FTO: variants seen among roughly 807,000 people sequenced by gnomAD.
FTO encodes alpha-ketoglutarate-dependent dioxygenase FTO.
A neutral mutation model predicts 63.9 loss-of-function variants in FTO; 47 were observed. The observed-to-expected ratio is 0.74, with a 90% CI of 0.58 to 0.94. The LOEUF is 0.94. Ranked by LOEUF, FTO falls within the 40% of genes least tolerant of loss-of-function variation. FTO has a pLI of 0.00. For synonymous variants in FTO, 207 were observed against 224.4 expected (o/e 0.92, Z 0.69); for missense variants, 562 against 618.1 (o/e 0.91, Z 0.96).
At chr16:53,990,823 A>G (rs1371156589) in intron 8 of FTO, among the ~76,000 whole-genome samples, 3 of 151,864 alleles carry the variant, frequency 2.0e-5, no homozygotes, top group Admixed American at 6.6e-5. Context: ...GCCCGCCACC[A>G]CGCCTGGCTA....
At chr16:54,051,688 C>T (rs1399073060) in intron 8 of FTO, among the ~76,000 whole-genome samples, 1 of 152,214 alleles carries the variant, frequency 6.6e-6, no homozygotes, top group African/African-American at 2.4e-5. Context: ...ATCTCAAAAG[C>T]AGTCCTCATA....
intron 2 of FTO, among the ~76,000 whole-genome samples, chr16:53,825,606 A>G (rs3848299): frequency 6.6e-6 from 1 of 151,954 alleles, no homozygotes; most frequent in Non-Finnish European, 1.5e-5. Context: ...GTATCAGGAC[A>G]CACATTATTA....
chr16:53,812,807 T>G (rs1170330228), intron 2 of FTO, among the ~76,000 whole-genome samples: 2 of 152,180 alleles, frequency 1.3e-5, no homozygotes, highest in Non-Finnish European at 1.5e-5. Flanking sequence ...TTTTGAACTT[T>G]CCCAGTTTTC....
chr16:53,717,489 T>C (rs2075922201), intron 1 of FTO, among the ~76,000 whole-genome samples: 1 of 152,138 alleles, frequency 6.6e-6, no homozygotes, highest in African/African-American at 2.4e-5. Flanking sequence ...CTTTTCTTAC[T>C]GATTTGGAAA....
At chr16:53,741,462 A>G (rs1053354319) in intron 1 of FTO, among the ~76,000 whole-genome samples, 5 of 152,158 alleles carry the variant, frequency 3.3e-5, no homozygotes, top group African/African-American at 1.2e-4. Flanking sequence ...TTTTATTTGT[A>G]TTGTACAAAC....
At chr16:53,764,967 G>A (rs1361285588) in intron 1 of FTO, among the ~76,000 whole-genome samples, 23 of 151,968 alleles carry the variant, frequency 1.5e-4, no homozygotes, top group African/African-American at 5.6e-4. Context: ...TGATCTGCCC[G>A]CTTCGGCCTC....
intron 3 of FTO, among the ~76,000 whole-genome samples, chr16:53,829,080 C>T (rs989553754): frequency 2.0e-5 from 3 of 152,064 alleles, no homozygotes; most frequent in South Asian, 2.1e-4. Context: ...TTAGTAGAGA[C>T]GGGGTTTCAC....
intron 8 of FTO, among the ~76,000 whole-genome samples, chr16:54,025,262 G>C (rs538368219): frequency 2.2e-4 from 33 of 152,298 alleles, no homozygotes; most frequent in Admixed American, 1.2e-3. Context: ...AGAAATGGAG[G>C]CTGGACAGCT....
intron 8 of FTO, chr16:54,052,479 C>T (rs1481795379): frequency 1.3e-5 from 2 of 152,132 alleles, no homozygotes; most frequent in Non-Finnish European, 2.9e-5. Flanking sequence ...GCTGTAAGGG[C>T]CAGCACCCGG....
chr16:54,025,308 C>T (rs1365448917), intron 8 of FTO, among the ~76,000 whole-genome samples: 1 of 152,164 alleles, frequency 6.6e-6, no homozygotes, highest in Non-Finnish European at 1.5e-5. Flanking sequence ...TCTTAAAGAC[C>T]TTATTACTAC....
chr16:53,921,448 T>C (rs2082005172), intron 7 of FTO, among the ~76,000 whole-genome samples: 1 of 152,196 alleles, frequency 6.6e-6, no homozygotes, highest in Non-Finnish European at 1.5e-5. Context: ...ATTTCGTACT[T>C]GGTATAGTTA....
At chr16:54,006,840 G>A (rs2084218711) in intron 8 of FTO, among the ~76,000 whole-genome samples, 1 of 152,220 alleles carries the variant, frequency 6.6e-6, no homozygotes, top group Non-Finnish European at 1.5e-5. Context: ...TGGAGTATGT[G>A]TAATGCAAGC....
At chr16:54,066,001 C>CA (rs2144416754) in intron 8 of FTO, among the ~76,000 whole-genome samples, 1 of 152,328 alleles carries the variant, frequency 6.6e-6, no homozygotes, top group East Asian at 1.9e-4. Flanking sequence ...CTAACTTATA[C>CA]AGCAGAGCTG....
At chr16:53,962,595 T>C (rs1393110523) in intron 8 of FTO, among the ~76,000 whole-genome samples, 1 of 152,214 alleles carries the variant, frequency 6.6e-6, no homozygotes, top group Non-Finnish European at 1.5e-5. Flanking sequence ...CCACAGATAA[T>C]GATGCGTCCT....
At chr16:54,075,360 T>G (rs2085967884) in intron 8 of FTO, among the ~76,000 whole-genome samples, 2 of 152,204 alleles carry the variant, frequency 1.3e-5, no homozygotes, top group South Asian at 4.1e-4. Flanking sequence ...AATCTGACAG[T>G]GTCAATCCAG....
At chr16:54,099,267 A>G (rs2086582562) in intron 8 of FTO, among the ~76,000 whole-genome samples, 1 of 152,212 alleles carries the variant, frequency 6.6e-6, no homozygotes, top group African/African-American at 2.4e-5. Context: ...CTGAGTCACT[A>G]GCAGAATATA....
intron 4 of FTO, among the ~76,000 whole-genome samples, chr16:53,849,561 G>A (rs888662060): frequency 7.2e-5 from 11 of 152,226 alleles, no homozygotes; most frequent in Admixed American, 2.6e-4. Flanking sequence ...TTGGTTATCA[G>A]AGCCCTGTAG....
chr16:53,790,579 C>CAAAAAAAAAAAA (rs34860208), intron 1 of FTO, among the ~76,000 whole-genome samples: 19 of 55,114 alleles, frequency 3.4e-4, no homozygotes, highest in African/African-American at 5.3e-4. Context: ...CAAAATAAAG[C>CAAAAAAAAAAAA]AAAAAAAAAA....
chr16:53,817,968 T>C (rs1015525969), intron 2 of FTO, among the ~76,000 whole-genome samples: 2 of 152,196 alleles, frequency 1.3e-5, no homozygotes. Flanking sequence ...CATGACTGCA[T>C]ACTCATTGGA....
Sources: allele counts gnomAD v4.1 joint callset (sites outside exome capture counted in the v4.1 genomes callset), GRCh38; gene constraint gnomAD v4.1.1; transcripts MANE v1.5; gene names NCBI Gene and HGNC (gene_info 2026-07-23, HGNC 2026-07-21).